PKHD1L1: variants seen among roughly 807,000 people sequenced by gnomAD.
PKHD1L1 encodes PKHD1 like 1.
In PKHD1L1, 434 loss-of-function variants were observed where a neutral mutation model predicts 462.9. That is an observed-to-expected ratio of 0.94 (90% confidence interval 0.87 to 1.02). The LOEUF (loss-of-function observed/expected upper bound fraction) is 1.02, where lower values mean the gene tolerates loss of function less well. Among genes scored for constraint, PKHD1L1 ranks in the 50% least tolerant of loss-of-function variants. The probability of loss-of-function intolerance (pLI) is 0.00; values close to 1 mark genes in which losing one functional copy is unlikely to be tolerated. For missense variants in PKHD1L1, 5,202 were observed against 5,096.1 expected, an observed-to-expected ratio of 1.02 and a Z score of -0.63; for synonymous variants, 1,781 against 1,750.0, an observed-to-expected ratio of 1.02 and a Z score of -0.44.
Position 109,425,103 on chromosome 8 carries a change from G to C in PKHD1L1, c.2716G>C (p.Glu906Gln). ...AAATTAGATAATCACACATGAGACA[G>C]AGAACGAGTTTGTCTACAGAGGAAA... Reference protein sequence around the residue: ...SFGQIITHETENEFVYRGNNW... With the variant: ...SFGQIITHETQNEFVYRGNNW... Residue 906 changes from glutamate (E) to glutamine (Q), a missense_variant, in exon 24 of 78, where the codon GAG becomes CAG. Transcript: ENST00000378402. 1 of 1,587,456 alleles carries C rather than the reference G, an allele frequency of 6.3e-7. No homozygotes were observed. The highest frequency in any genetic ancestry group is 8.5e-7 in the Non-Finnish European group (1 of 1,169,942).
intron 32 of PKHD1L1, among the ~76,000 whole-genome samples, chr8:109,439,976 CTGTAGCT>C (rs1815680859): frequency 6.6e-6 from 1 of 152,030 alleles, no homozygotes; most frequent in South Asian, 2.1e-4. Context: ...TTGGCTTATG[CTGTAGCT>C]TGACCATATA....
chr8:109,400,414 T>C lies in PKHD1L1; in HGVS notation c.1281+70T>C, dbSNP rs1813215786. 2.7e-6 allele frequency: 4 copies of C among 1,471,426 alleles called. No homozygotes were observed. The South Asian group carries it at 5.3e-5, about 20-fold the overall frequency. The allele number at this position is 1,471,426 out of a possible 1,614,324, so 91.1% of individuals were successfully genotyped here. A position where few individuals can be genotyped will look rare whatever the true frequency, so the allele number is the denominator to read the frequency against. On this transcript the variant is annotated intron_variant, in intron 13 of 77. Transcript: ENST00000378402. The stretch of plus-strand genomic sequence containing the variant: ...GGTGATATTTATATGTATCTTACTC[T>C]AAATCAAAACGAATGAACATTTTTA...
chr8:109,404,973 A>T (rs899770148), intron 15 of PKHD1L1, 22 bp from the exon 16 acceptor site: 9 of 1,395,732 alleles, frequency 6.4e-6, no homozygotes, highest in Non-Finnish European at 8.6e-6. Context: ...TATATTAAAA[A>T]TGTTTCTTAA....
At chr8:109,479,738 A>G (rs936918540) in intron 54 of PKHD1L1, 99 bp downstream of exon 54, 13 of 926,844 alleles carry the variant, frequency 1.4e-5, no homozygotes, top group Middle Eastern at 2.2e-4. Flanking sequence ...CCTTTCCAAA[A>G]GAGCAAGTGT....
intron 77 of PKHD1L1, 81 bp downstream of exon 77, chr8:109,527,101 C>T: frequency 8.7e-7 from 1 of 1,144,822 alleles, no homozygotes; most frequent in Non-Finnish European, 1.2e-6. Flanking sequence ...GTGCACAGCT[C>T]TTGTGCATGA....
chr8:109,466,518 G>T, intron 49 of PKHD1L1, 60 bp from the exon 50 acceptor site: 1 of 1,460,306 alleles, frequency 6.8e-7, no homozygotes, highest in South Asian at 1.4e-5. Flanking sequence ...GTATATTGTA[G>T]ACCTTTTTTA....
chr8:109,404,810 G>A, intron 15 of PKHD1L1, 97 bp downstream of exon 15: 1 of 1,270,648 alleles, frequency 7.9e-7, no homozygotes, highest in Non-Finnish European at 1.1e-6. Flanking sequence ...ACTGTTTTAG[G>A]TGAAAGCAGT....
chr8:109,408,107 T>A lies in PKHD1L1; in HGVS notation c.1872T>A (p.Ile624=). 6.2e-7 allele frequency: 1 copy of A among 1,613,470 alleles called. No homozygotes were observed. Among genetic ancestry groups the A allele is most frequent in the Non-Finnish European group, 8.5e-7 (1 of 1,179,570 alleles). Residue 624 remains isoleucine, a synonymous_variant, in exon 18 of 78, where the codon ATT becomes ATA. Coordinates refer to ENST00000378402, the MANE Select transcript of PKHD1L1 (RefSeq NM_177531.6). Reference sequence around the variant, plus strand: ...AAGGGAATAATGTCACACTGGATATTACAGAACAAACCAAAGGAAAACCCA... The same window carrying A: ...AAGGGAATAATGTCACACTGGATATAACAGAACAAACCAAAGGAAAACCCA... ...VVEGNNVTLD[I]TEQTKGKPNL... is the part of the protein sequence containing the mutation.
chr8:109,394,082 G>A (rs1812836080), intron 9 of PKHD1L1, among the ~76,000 whole-genome samples: 1 of 149,030 alleles, frequency 6.7e-6, no homozygotes, highest in Non-Finnish European at 1.5e-5. Flanking sequence ...GCTGAGGCCG[G>A]AGAATCCCTC....
chr8:109,472,580 G>A (rs1021725999), intron 50 of PKHD1L1, among the ~76,000 whole-genome samples: 1 of 151,976 alleles, frequency 6.6e-6, no homozygotes, highest in South Asian at 2.1e-4. Context: ...TCTTTCTGAC[G>A]CCGCAAGGCT....
intron 39 of PKHD1L1, 113 bp from the exon 40 acceptor site, chr8:109,449,225 T>C: frequency 9.5e-7 from 1 of 1,056,582 alleles, no homozygotes. Flanking sequence ...TCTAAAAAAC[T>C]CTTCATTTAA....
At chr8:109,407,243 T>A (rs1362261056) in intron 17 of PKHD1L1, among the ~76,000 whole-genome samples, 1 of 152,184 alleles carries the variant, frequency 6.6e-6, no homozygotes, top group African/African-American at 2.4e-5. Context: ...AATTGTTTAT[T>A]TGATTGTTGA....
At chr8:109,455,130 G>T (rs772499517) in intron 45 of PKHD1L1, among the ~76,000 whole-genome samples, 1 of 152,186 alleles carries the variant, frequency 6.6e-6, no homozygotes, top group Non-Finnish European at 1.5e-5. Context: ...CTAAGGCCAG[G>T]TGTTTGATAC....
intron 23 of PKHD1L1, among the ~76,000 whole-genome samples, chr8:109,423,081 C>G (rs1814556370): frequency 6.6e-6 from 1 of 152,120 alleles, no homozygotes; most frequent in Admixed American, 6.5e-5. Context: ...TTCTCCCAGA[C>G]TGTACCTCAC....
chr8:109,490,977 A>G lies in PKHD1L1; in HGVS notation c.9990A>G (p.Gln3330=), dbSNP rs28637504. ...TGTATCCCAATGTTGTATAGATTCAAGAACATGGCTCATCTTATATTCGAG... is the reference window on the plus strand; with the variant it reads ...TGTATCCCAATGTTGTATAGATTCAGGAACATGGCTCATCTTATATTCGAG... ...AVTFLNLGQI[Q]EHGSSYIRGC... Residue 3330 remains glutamine, a synonymous_variant, in exon 61 of 78, where the codon CAA becomes CAG. Transcript: ENST00000378402. 9,137 of 1,604,146 alleles carry G rather than the reference A, an allele frequency of 5.7e-3. 252 individuals are homozygous for G. In the African/African-American group the frequency reaches 0.061, roughly 11 times the overall value.
chr8:109,409,900 G>C lies in PKHD1L1; in HGVS notation c.2007G>C (p.Lys669Asn), dbSNP rs1198476857. 1.2e-6 allele frequency: 2 copies of C among 1,605,746 alleles called. No homozygotes were observed. The highest frequency in any genetic ancestry group is 1.7e-6 in the Non-Finnish European group (2 of 1,176,822). Residue 669 changes from lysine (K) to asparagine (N), a missense_variant, in exon 19 of 78, where the codon AAG (lysine) becomes AAC (asparagine). Physicochemically the swap from Lys to Asn is moderately conservative, Grantham distance 94. Around this residue, in one of 3 missense-constraint regions of PKHD1L1, gnomAD observed 4,497 missense variants for 4,336.8 expected, o/e 1.04. Transcript: ENST00000378402. The stretch of plus-strand genomic sequence containing the variant: ...CAGTGGAAGAAATGGTTAGCACTAA[G>C]TGTCCACCACAAATTGCAAATTTTG... ...QGAVEEMVST[K>N]CPPQIANFEE... is the part of the protein sequence containing the mutation.
intron 27 of PKHD1L1, among the ~76,000 whole-genome samples, chr8:109,432,783 A>G (rs1316205129): frequency 1.3e-5 from 2 of 152,218 alleles, no homozygotes; most frequent in Admixed American, 6.5e-5. Context: ...GTTACCATAT[A>G]GAGATGTCTA....
At chr8:109,469,368 G>A (rs1817605187) in intron 50 of PKHD1L1, among the ~76,000 whole-genome samples, 1 of 152,112 alleles carries the variant, frequency 6.6e-6, no homozygotes, top group Non-Finnish European at 1.5e-5. Flanking sequence ...GAAAGAAGCT[G>A]TGCCCCTTGG....
chr8:109,390,624 TAA>T, intron 9 of PKHD1L1, 130 bp downstream of exon 9: 1 of 453,286 alleles, frequency 2.2e-6, no homozygotes, highest in East Asian at 3.6e-5. Flanking sequence ...AATTAACAGT[TAA>T]AGAGTCTGTA....
Sources: gnomAD v4.1 joint callset for allele counts (sites outside exome capture counted in the v4.1 genomes callset) on GRCh38, gnomAD v4.1.1 for gene constraint, gnomAD v4.1.1 regional missense constraint, MANE v1.5 for transcripts, NCBI Gene and HGNC (gene_info 2026-07-23, HGNC 2026-07-21) for gene names.